Variants in ZHX3 observed in about 807,000 individuals in gnomAD.
ZHX3 encodes the protein zinc fingers and homeoboxes protein 3.
In ZHX3, 20 loss-of-function variants were observed where a neutral mutation model predicts 64.5. The observed-to-expected ratio is 0.31, with a 90% CI of 0.22 to 0.45. The LOEUF is 0.45. Among genes scored for constraint, ZHX3 ranks in the 20% least tolerant of loss-of-function variants. ZHX3 has a pLI of 1.00. For synonymous variants in ZHX3, 423 were observed against 461.6 expected (o/e 0.92, Z 1.07); for missense variants, 1,041 against 1,195.8 (o/e 0.87, Z 1.91).
intron 3 of ZHX3, chr20:41,196,576 A>AAT (rs1404137696): frequency 1.1e-5 from 1 of 93,222 alleles, no homozygotes; most frequent in African/African-American, 4.2e-5. Flanking sequence ...TATATATAAA[A>AAT]ATATATATAT....
chr20:41,295,324 A>G (rs546750611), intron 1 of ZHX3, among the ~76,000 whole-genome samples: 2 of 152,288 alleles, frequency 1.3e-5, no homozygotes, highest in East Asian at 3.9e-4. Flanking sequence ...TAATAAGACA[A>G]TATTTAAGGT....
In ZHX3 at chr20:41,184,891, G is replaced by T. The variant is rs1360029195; in HGVS notation, c.*300C>A. 2.6e-6 allele frequency: 4 copies of T among 1,519,000 alleles called. No homozygotes were observed. The African/African-American group carries it at 4.1e-5, about 16-fold the overall frequency. The allele number at this position is 1,519,000 out of a possible 1,614,324, so 94.1% of individuals were successfully genotyped here. A position where few individuals can be genotyped will look rare whatever the true frequency, so the allele number is the denominator to read the frequency against. On this transcript the variant is annotated 3_prime_UTR_variant, in exon 4 of 4. Coordinates refer to ENST00000683867, the MANE Select transcript of ZHX3 (RefSeq NM_001384317.1). ...ATGTATATGTTAAAAGCTTGATTCT[G>T]TGTCTATGAATATGACTATGAACTC...
chr20:41,194,941 T>A (rs1249889590), intron 3 of ZHX3, among the ~76,000 whole-genome samples: 1 of 152,172 alleles, frequency 6.6e-6, no homozygotes, highest in Non-Finnish European at 1.5e-5. Context: ...AATTTAAGTC[T>A]TCTCTTTCAT....
At chr20:41,240,073 T>C (rs2041277604) in intron 2 of ZHX3, among the ~76,000 whole-genome samples, 1 of 152,144 alleles carries the variant, frequency 6.6e-6, no homozygotes, top group African/African-American at 2.4e-5. Context: ...CTTGGCTCAC[T>C]GCAACCTCTG....
chr20:41,306,059 T>C (rs1335508897), intron 1 of ZHX3, among the ~76,000 whole-genome samples: 1 of 152,176 alleles, frequency 6.6e-6, no homozygotes, highest in East Asian at 1.9e-4. Flanking sequence ...AGCCAATATG[T>C]ATTAAATCTA....
intron 2 of ZHX3, among the ~76,000 whole-genome samples, chr20:41,257,714 C>A (rs1254167125): frequency 1.3e-5 from 2 of 150,654 alleles, no homozygotes. Flanking sequence ...CAGCTTCAAG[C>A]AATTCTCCTG....
chr20:41,192,058 G>A (rs534523644), intron 3 of ZHX3, among the ~76,000 whole-genome samples: 14 of 152,310 alleles, frequency 9.2e-5, no homozygotes, highest in South Asian at 2.1e-4. Flanking sequence ...GGCAGCTGGC[G>A]TGGCATGGGA....
intron 1 of ZHX3, among the ~76,000 whole-genome samples, chr20:41,279,831 CTG>C (rs889930577): frequency 8.5e-5 from 13 of 152,202 alleles, no homozygotes; most frequent in Admixed American, 3.9e-4. Context: ...AACTCTAAAA[CTG>C]TGAATATAAC....
At chr20:41,256,116 A>G (rs1223378625) in intron 2 of ZHX3, among the ~76,000 whole-genome samples, 2 of 152,222 alleles carry the variant, frequency 1.3e-5, no homozygotes, top group African/African-American at 4.8e-5. Flanking sequence ...ACTTCAAGGG[A>G]AAAATAAAAA....
chr20:41,307,467 CACTATAT>C (rs2045013467), intron 1 of ZHX3, among the ~76,000 whole-genome samples: 1 of 152,104 alleles, frequency 6.6e-6, no homozygotes. Flanking sequence ...ACTACCATAC[CACTATAT>C]ATCCCATTCT....
At chr20:41,251,835 A>T (rs913705677) in intron 2 of ZHX3, among the ~76,000 whole-genome samples, 9 of 149,610 alleles carry the variant, frequency 6.0e-5, no homozygotes, top group East Asian at 1.9e-4. Flanking sequence ...TGAGATACAA[A>T]ATATATATAT....
chr20:41,238,618 A>C (rs931239683), intron 2 of ZHX3: 1 of 152,206 alleles, frequency 6.6e-6, no homozygotes, highest in Admixed American at 6.5e-5. Context: ...TTTTATCTAA[A>C]TTTATATTTC....
At position 41,317,547 on chromosome 20, in the gene ZHX3, G is replaced by A. The variant is rs953362578; in HGVS notation, c.-283C>T. On this transcript the variant is annotated 5_prime_UTR_variant, in exon 1 of 4. Coordinates refer to ENST00000683867, the MANE Select transcript of ZHX3 (RefSeq NM_001384317.1). ...CGGTGGCGGCGCCCGCGACCGGGCC[G>A]CTCTTCCCGCGCTGCGGGCCTCCCT... 8.1e-5 allele frequency: 12 copies of A among 147,478 alleles called. No individual in the cohort carries two copies. The highest frequency in any genetic ancestry group is 1.1e-4 in the Non-Finnish European group (7 of 66,186). The allele number at this position is 147,478 out of a possible 1,614,324, so 9.1% of individuals were successfully genotyped here.
chr20:41,241,893 G>A (rs1026920938), intron 2 of ZHX3, among the ~76,000 whole-genome samples: 3 of 152,052 alleles, frequency 2.0e-5, no homozygotes, highest in Non-Finnish European at 4.4e-5. Flanking sequence ...GACCCCTTAT[G>A]TATCATATTT....
intron 1 of ZHX3, among the ~76,000 whole-genome samples, chr20:41,278,201 G>GGT (rs2043488495): frequency 7.3e-6 from 1 of 137,910 alleles, no homozygotes; most frequent in Admixed American, 7.3e-5. Context: ...AAATTAGCTG[G>GGT]GTGTTGGGGG....
At chr20:41,196,346 AAT>A (rs1285951308) in intron 3 of ZHX3, among the ~76,000 whole-genome samples, 4 of 95,954 alleles carry the variant, frequency 4.2e-5, no homozygotes, top group South Asian at 2.5e-4. Context: ...TTCATATATA[AAT>A]ATATATCTTA....
rs1395318454 is a variant in ZHX3 at position 41,182,380 on chromosome 20, A to G, written c.*2811T>C. On this transcript the variant is annotated 3_prime_UTR_variant, in exon 4 of 4. Transcript: ENST00000683867. This position sits in a 1 kb window ranked among gnomAD's most constrained non-coding sequence, Gnocchi z 6.1. ...CAAATGCCTTCTACTGAAGGCAACA[A>G]CACAATTTAACCCTTAGGCAGTGTG... 6.6e-6 allele frequency: 1 copy of G among 152,212 alleles called. No individual in the cohort carries two copies. Among genetic ancestry groups the G allele is most frequent in the African/African-American group, 2.4e-5 (1 of 41,460 alleles). 9.4% of individuals were successfully genotyped at this position (152,212 alleles called of 1,614,324 possible).
At chr20:41,305,512 C>CGGT (rs1477772174) in intron 1 of ZHX3, among the ~76,000 whole-genome samples, 1 of 151,086 alleles carries the variant, frequency 6.6e-6, no homozygotes, top group African/African-American at 2.4e-5. Context: ...CAGCTGGGTA[C>CGGT]GGTGGCTCAC....
chr20:41,290,361 A>T (rs888429950), intron 1 of ZHX3: 1 of 152,150 alleles, frequency 6.6e-6, no homozygotes, highest in African/African-American at 2.4e-5. Context: ...TCTGCATGAG[A>T]GTTTTGACCT....
Sources: gnomAD v4.1 joint callset for allele counts (sites outside exome capture counted in the v4.1 genomes callset) on GRCh38, gnomAD v4.1.1 for gene constraint, Gnocchi (gnomAD v3.1) non-coding constraint, MANE v1.5 for transcripts, NCBI Gene and HGNC (gene_info 2026-07-23, HGNC 2026-07-21) for gene names.